Variants in DPP10 observed in about 807,000 individuals in gnomAD.
DPP10 encodes the protein dipeptidyl peptidase like 10.
A neutral mutation model predicts 120.9 loss-of-function variants in DPP10; 33 were observed. That is an observed-to-expected ratio of 0.27 (90% CI 0.21 to 0.37). The LOEUF (loss-of-function observed/expected upper bound fraction) is 0.37. Ranked by LOEUF, DPP10 falls within the 10% of genes least tolerant of loss-of-function variation. The probability of loss-of-function intolerance (pLI) is 1.00; values close to 1 mark genes in which losing one functional copy is unlikely to be tolerated. For synonymous variants in DPP10, 337 were observed against 326.1 expected, an observed-to-expected ratio of 1.03 and a Z score of -0.36; for missense variants, 816 against 942.8, an observed-to-expected ratio of 0.87 and a Z score of 1.76.
At chr2:115,176,103 C>G (rs2053668935) in intron 1 of DPP10, among the ~76,000 whole-genome samples, 1 of 151,970 alleles carries the variant, frequency 6.6e-6, no homozygotes, top group Non-Finnish European at 1.5e-5. Context: ...GACACTTGTC[C>G]TAGAGGATGA....
intron 1 of DPP10, among the ~76,000 whole-genome samples, chr2:115,162,491 C>T (rs1390249147): frequency 1.3e-5 from 2 of 152,184 alleles, no homozygotes; most frequent in African/African-American, 4.8e-5. Flanking sequence ...GACCTTTAGG[C>T]GGACGGGGTT....
chr2:115,366,221 C>T (rs780202352), intron 3 of DPP10, among the ~76,000 whole-genome samples: 7 of 151,892 alleles, frequency 4.6e-5, no homozygotes, highest in Non-Finnish European at 1.0e-4. Context: ...TTATATCTAG[C>T]ACCTCATTCC....
chr2:115,247,399 A>G (rs2105631278), intron 1 of DPP10, among the ~76,000 whole-genome samples: 1 of 152,298 alleles, frequency 6.6e-6, no homozygotes, highest in Non-Finnish European at 1.5e-5. Flanking sequence ...TGTGTTAGAC[A>G]GTTGAATCAT....
chr2:115,537,970 G>A (rs556129510), intron 5 of DPP10, among the ~76,000 whole-genome samples: 7 of 152,040 alleles, frequency 4.6e-5, no homozygotes, highest in South Asian at 2.1e-4. Context: ...CTTCCATGTC[G>A]TCATGAGAGG....
chr2:115,610,947 C>A (rs1252255889), intron 5 of DPP10, among the ~76,000 whole-genome samples: 1 of 152,122 alleles, frequency 6.6e-6, no homozygotes, highest in Non-Finnish European at 1.5e-5. Flanking sequence ...GGAAATTAAT[C>A]CACCCACTTG....
intron 1 of DPP10, among the ~76,000 whole-genome samples, chr2:114,733,221 T>G (rs568976675): frequency 6.6e-6 from 1 of 152,304 alleles, no homozygotes; most frequent in East Asian, 1.9e-4. Flanking sequence ...TTGGACAGTC[T>G]TTTCACTTAT....
At chr2:114,611,361 T>A (rs913797781) in intron 1 of DPP10, among the ~76,000 whole-genome samples, 4 of 152,214 alleles carry the variant, frequency 2.6e-5, no homozygotes, top group Non-Finnish European at 5.9e-5. Context: ...TTTGTAGTGT[T>A]TATTTTTCCT....
intron 3 of DPP10, among the ~76,000 whole-genome samples, chr2:115,461,541 T>C (rs765247613): frequency 6.6e-6 from 1 of 152,106 alleles, no homozygotes; most frequent in African/African-American, 2.4e-5. Flanking sequence ...ACCACACTTA[T>C]AAGCAAAAAC....
intron 2 of DPP10, among the ~76,000 whole-genome samples, chr2:115,338,030 T>A (rs556222563): frequency 6.6e-6 from 1 of 152,004 alleles, no homozygotes. Context: ...CCAGGGGCAA[T>A]TGGAGTTAAA....
intron 1 of DPP10, among the ~76,000 whole-genome samples, chr2:114,905,833 C>T (rs1383403760): frequency 6.6e-6 from 1 of 152,124 alleles, no homozygotes; most frequent in Non-Finnish European, 1.5e-5. Flanking sequence ...CAGGCTTGAG[C>T]CACCAGGCTC....
intron 5 of DPP10, among the ~76,000 whole-genome samples, chr2:115,645,904 C>T (rs1227517645): frequency 6.6e-6 from 1 of 152,018 alleles, no homozygotes. Flanking sequence ...GACGAGGTAA[C>T]AATTATTGGG....
At chr2:114,999,217 A>G (rs760608927) in intron 1 of DPP10, among the ~76,000 whole-genome samples, 2 of 152,162 alleles carry the variant, frequency 1.3e-5, no homozygotes, top group Non-Finnish European at 2.9e-5. Flanking sequence ...TGAGTGAGTG[A>G]ATGAGTGGAG....
intron 1 of DPP10, among the ~76,000 whole-genome samples, chr2:114,592,651 T>C (rs1325732009): frequency 2.6e-5 from 4 of 151,492 alleles, no homozygotes; most frequent in Non-Finnish European, 5.9e-5. Flanking sequence ...ACAAAATAAA[T>C]AACTCTTCCC....
At chr2:114,978,636 G>C (rs1375549472) in intron 1 of DPP10, among the ~76,000 whole-genome samples, 1 of 152,018 alleles carries the variant, frequency 6.6e-6, no homozygotes, top group Non-Finnish European at 1.5e-5. Flanking sequence ...CTGGTGTCTT[G>C]TGATAATAAT....
chr2:115,596,118 A>G (rs1186163898), intron 5 of DPP10, among the ~76,000 whole-genome samples: 2 of 152,168 alleles, frequency 1.3e-5, no homozygotes, highest in Non-Finnish European at 2.9e-5. Flanking sequence ...ATTTGTTTAG[A>G]GCCTAGAATC....
chr2:114,619,921 AT>A (rs1193852653), intron 1 of DPP10, among the ~76,000 whole-genome samples: 1 of 151,970 alleles, frequency 6.6e-6, no homozygotes, highest in East Asian at 1.9e-4. Flanking sequence ...TACTTTTAAA[AT>A]TTGAACTAGC....
chr2:114,722,464 T>C (rs1412023367), intron 1 of DPP10, among the ~76,000 whole-genome samples: 1 of 151,928 alleles, frequency 6.6e-6, no homozygotes, highest in Non-Finnish European at 1.5e-5. Context: ...TCCAAACCAT[T>C]AGAAAAACTC....
chr2:115,199,029 G>T (rs1259832607), intron 1 of DPP10, among the ~76,000 whole-genome samples: 1 of 152,042 alleles, frequency 6.6e-6, no homozygotes, highest in Non-Finnish European at 1.5e-5. Flanking sequence ...CATGGTAGAG[G>T]CTAATCATGA....
chr2:115,418,182 G>A (rs1439863071), intron 3 of DPP10, among the ~76,000 whole-genome samples: 1 of 152,138 alleles, frequency 6.6e-6, no homozygotes, highest in Non-Finnish European at 1.5e-5. Context: ...GAGGATTCAA[G>A]GATGACTCAT....
Sources: allele counts gnomAD v4.1 joint callset (sites outside exome capture counted in the v4.1 genomes callset), GRCh38; gene constraint gnomAD v4.1.1; transcripts MANE v1.5; gene names NCBI Gene and HGNC (gene_info 2026-07-23, HGNC 2026-07-21).